CD244: variants seen among roughly 807,000 people sequenced by gnomAD.
CD244 encodes natural killer cell receptor 2B4.
In CD244, 20 loss-of-function variants were observed where a neutral mutation model predicts 45.5. That is an observed-to-expected ratio of 0.44 (90% CI 0.31 to 0.64). The LOEUF (loss-of-function observed/expected upper bound fraction) is 0.64. Among genes scored for constraint, CD244 ranks in the 30% least tolerant of loss-of-function variants. The probability of loss-of-function intolerance (pLI) is 0.08; values close to 1 mark genes in which losing one functional copy is unlikely to be tolerated. For missense variants in CD244, 407 were observed against 426.9 expected (o/e 0.95, Z 0.41); for synonymous variants, 185 against 160.5 (o/e 1.15, Z -1.15).
Position 160,853,349 on chromosome 1 carries a change from G to A in CD244, c.61+9268C>T, listed in dbSNP as rs149851305. Among the ~76,000 whole-genome samples the A allele has an allele frequency of 2.6e-5, 4 of 152,254 alleles. No individual in the cohort carries two copies. The East Asian group carries it at 7.7e-4, about 29-fold the overall frequency. On this transcript the variant is annotated intron_variant, in intron 1 of 8. Transcript: ENST00000368034. Reference sequence around the variant, plus strand: ...AATATATGGTGAGAGAGGTTAGAATGTGATTACCCTTGCAGGAGGGGGGTT... The same window carrying A: ...AATATATGGTGAGAGAGGTTAGAATATGATTACCCTTGCAGGAGGGGGGTT...
intron 1 of CD244, among the ~76,000 whole-genome samples, chr1:160,844,815 C>A (rs903708350): frequency 6.6e-6 from 1 of 151,904 alleles, no homozygotes; most frequent in Non-Finnish European, 1.5e-5. Flanking sequence ...TCTCTACTAA[C>A]GATACAAAAA....
intron 8 of CD244, 69 bp downstream of exon 8, chr1:160,832,450 C>G: frequency 1.1e-6 from 1 of 920,358 alleles, no homozygotes; most frequent in South Asian, 1.6e-5. Flanking sequence ...CCTAAGTGTA[C>G]CCTTTCATGG....
At chr1:160,846,706 A>C (rs1180498398) in intron 1 of CD244, among the ~76,000 whole-genome samples, 1 of 152,202 alleles carries the variant, frequency 6.6e-6, no homozygotes, top group Non-Finnish European at 1.5e-5. Flanking sequence ...AAATAAAGAC[A>C]TTTTTAGAAA....
In CD244 at chr1:160,834,701, G is replaced by T. The variant is rs890912689; in HGVS notation, c.895-585C>A. 2.0e-5 allele frequency among the ~76,000 whole-genome samples: 3 copies of T among 152,170 alleles called. 1 individual carries two copies. The highest frequency in any genetic ancestry group is 7.2e-5 in the African/African-American group (3 of 41,448). On this transcript the variant is annotated intron_variant, in intron 6 of 8. Coordinates refer to ENST00000368034, the MANE Select transcript of CD244 (RefSeq NM_016382.4). ...TATAAAATAAGAATGATCATAATTT[G>T]CCCCATGCCACAAATGAGGCTCCAA...
intron 6 of CD244, among the ~76,000 whole-genome samples, chr1:160,835,705 AAAAT>A (rs1322106341): frequency 1.3e-5 from 2 of 152,222 alleles, no homozygotes; most frequent in East Asian, 1.9e-4. Flanking sequence ...ATGGAAATAA[AAAAT>A]AAATAAAGAG....
intron 1 of CD244, among the ~76,000 whole-genome samples, chr1:160,850,267 G>A (rs1669875400): frequency 6.6e-6 from 1 of 151,948 alleles, no homozygotes; most frequent in Non-Finnish European, 1.5e-5. Context: ...ATTTCAAGAA[G>A]AAATATTTAA....
chr1:160,832,802 C>G, intron 7 of CD244: 1 of 849,082 alleles, frequency 1.2e-6, no homozygotes, highest in Non-Finnish European at 1.8e-6. Flanking sequence ...TATTTCTGAA[C>G]CAAAATCAGA....
At position 160,831,365 on chromosome 1, in the gene CD244, G is replaced by T. The variant is rs376214679; in HGVS notation, c.1080C>A (p.Asn360Lys). The stretch of plus-strand genomic sequence containing the variant: ...GCAGCAACTAGGAATAAACATCAAA[G>T]TTCTCCAGCTCTTTGCGGCTCAATC... ...PARLSRKELENFDVYS is the reference protein window; with the variant it reads ...PARLSRKELEKFDVYS Residue 360 changes from asparagine to lysine, a missense_variant, in exon 9 of 9, where the codon AAC becomes AAA. Coordinates refer to ENST00000368034, the MANE Select transcript of CD244 (RefSeq NM_016382.4). 2 of 1,613,786 alleles carry T rather than the reference G, an allele frequency of 1.2e-6. No individual in the cohort carries two copies. The highest frequency in any genetic ancestry group is 2.7e-5 in the African/African-American group (2 of 74,920).
In CD244 at chr1:160,841,806, A is replaced by G. The variant is rs200158537; in HGVS notation, c.157T>C (p.Trp53Arg). The change falls in exon 2 of 9, where the codon TGG becomes CGG. Residue 53 changes from tryptophan (W) to arginine (R), a missense_variant. Coordinates refer to ENST00000368034, the MANE Select transcript of CD244 (RefSeq NM_016382.4). ...TTTTGTGAGGGCAGCAACTTCTTCC[A>G]TGCAATGCTGTCAACCTTCGTCTGT... ...SIQTKVDSIA[W>R]KKLLPSQNGF... 1 of 1,614,196 alleles carries G rather than the reference A, an allele frequency of 6.2e-7. No homozygotes were observed. The highest frequency in any genetic ancestry group is 8.5e-7 in the Non-Finnish European group (1 of 1,180,016).
In CD244 at chr1:160,846,095, G is replaced by A. The variant is rs140563301; in HGVS notation, c.62-4194C>T. Among the ~76,000 whole-genome samples, 856 of 152,028 alleles carry A rather than the reference G, an allele frequency of 5.6e-3. 5 individuals are homozygous for A. Among genetic ancestry groups the A allele is most frequent in the Non-Finnish European group, 0.01 (680 of 67,976 alleles). Reference sequence around the variant, plus strand: ...TCCATAGGTTATTGGGGTACAGGTGGTGTTTGGTTACAAGAGAAAGTTCAT... The same window carrying A: ...TCCATAGGTTATTGGGGTACAGGTGATGTTTGGTTACAAGAGAAAGTTCAT... On this transcript the variant is annotated intron_variant, in intron 1 of 8. Coordinates refer to ENST00000368034, the MANE Select transcript of CD244 (RefSeq NM_016382.4).
chr1:160,841,184 G>T, intron 3 of CD244, 26 bp downstream of exon 3: 1 of 1,611,960 alleles, frequency 6.2e-7, no homozygotes, highest in African/African-American at 1.3e-5. Context: ...TTCAGCGCTT[G>T]TTATAGCCCA....
chr1:160,862,791 C>A lies in CD244; in HGVS notation c.-114G>T, dbSNP rs1189516740. ...GACGATGGGGAGCAGAACTGCCTTGCAACCTGTCCAGCCACAGTTTCCTCA... is the reference window on the plus strand; with the variant it reads ...GACGATGGGGAGCAGAACTGCCTTGAAACCTGTCCAGCCACAGTTTCCTCA... On this transcript the variant is annotated 5_prime_UTR_variant, in exon 1 of 9. Transcript: ENST00000368034. 3.7e-6 allele frequency: 3 copies of A among 820,388 alleles called. No individual in the cohort carries two copies. Among genetic ancestry groups the A allele is most frequent in the Non-Finnish European group, 5.8e-6 (3 of 517,878 alleles). The allele number at this position is 820,388 out of a possible 1,614,324, so 50.8% of individuals were successfully genotyped here.
At position 160,841,835 on chromosome 1, in the gene CD244, C is replaced by G. The variant is rs1275046666; in HGVS notation, c.128G>C (p.Ser43Thr). 6.2e-7 allele frequency: 1 copy of G among 1,614,114 alleles called. No homozygotes were observed. Among genetic ancestry groups the G allele is most frequent in the South Asian group, 1.1e-5 (1 of 91,080 alleles). Residue 43 changes from serine (S) to threonine (T), a missense_variant, in exon 2 of 9, where the codon AGC (serine) becomes ACC (threonine). Physicochemically the swap from Ser to Thr is moderately conservative, Grantham distance 58. Transcript: ENST00000368034. ...SGVPLQLQPN[S>T]IQTKVDSIAW... Reference sequence around the variant, plus strand: ...AATGCTGTCAACCTTCGTCTGTATGCTGTTTGGTTGTAACTGAAGAGGCAC... The same window carrying G: ...AATGCTGTCAACCTTCGTCTGTATGGTGTTTGGTTGTAACTGAAGAGGCAC...
chr1:160,862,537 C>CAGAG (rs1214914881), intron 1 of CD244, 80 bp downstream of exon 1: 8 of 1,280,098 alleles, frequency 6.2e-6, no homozygotes, highest in Non-Finnish European at 9.0e-6. Flanking sequence ...GTGGCACAAG[C>CAGAG]AGAGGCTCTG....
intron 4 of CD244, 89 bp downstream of exon 4, chr1:160,838,850 G>T (rs1484838643): frequency 8.3e-6 from 7 of 838,728 alleles, no homozygotes; most frequent in East Asian, 2.6e-5. Context: ...GAGATGCTGT[G>T]CTCCCAGACA....
At chr1:160,842,873 A>T (rs1669594032) in intron 1 of CD244, among the ~76,000 whole-genome samples, 1 of 152,224 alleles carries the variant, frequency 6.6e-6, no homozygotes, top group Admixed American at 6.5e-5. Flanking sequence ...CAAAACTGGA[A>T]GTTCCTACAG....
At chr1:160,854,563 T>G (rs1251893046) in intron 1 of CD244, among the ~76,000 whole-genome samples, 1 of 151,652 alleles carries the variant, frequency 6.6e-6, no homozygotes, top group Non-Finnish European at 1.5e-5. Context: ...TTTTTTTTTT[T>G]TTGTATTTTT....
chr1:160,846,604 T>C (rs1669749823), intron 1 of CD244, among the ~76,000 whole-genome samples: 1 of 152,206 alleles, frequency 6.6e-6, no homozygotes, highest in South Asian at 2.1e-4. Flanking sequence ...AAGTCAAGGC[T>C]GCAGCGAGCC....
At chr1:160,850,428 A>G (rs1669881226) in intron 1 of CD244, among the ~76,000 whole-genome samples, 1 of 152,214 alleles carries the variant, frequency 6.6e-6, no homozygotes, top group South Asian at 2.1e-4. Flanking sequence ...TAGAATTCCA[A>G]TAAAAATTAT....
Sources: allele counts gnomAD v4.1 joint callset (sites outside exome capture counted in the v4.1 genomes callset), GRCh38; gene constraint gnomAD v4.1.1; transcripts MANE v1.5; gene names NCBI Gene and HGNC (gene_info 2026-07-23, HGNC 2026-07-21).